The following KCNJ6 variants were observed in gnomAD, a reference collection of about 807,000 sequenced individuals.
KCNJ6 encodes the protein G protein-activated inward rectifier potassium channel 2.
In KCNJ6, 9 loss-of-function variants were observed where a neutral mutation model predicts 34.2. The ratio of observed to expected loss-of-function variants is 0.26; its 90% CI spans 0.16 to 0.46. KCNJ6 has a LOEUF of 0.46. Among genes scored for constraint, KCNJ6 ranks in the 20% least tolerant of loss-of-function variants. The pLI is 1.00. For missense variants in KCNJ6, 236 were observed against 531.3 expected (o/e 0.44, Z 5.46); for synonymous variants, 196 against 207.1 (o/e 0.95, Z 0.46).
chr21:37,764,083 T>G lies in KCNJ6; in HGVS notation c.26-48952A>C, dbSNP rs1214861005. Reference sequence around the variant, plus strand: ...TGAATTATTATAACACATTTGTGTTTAACATGCAGGTGAGTCATAGATGAA... The same window carrying G: ...TGAATTATTATAACACATTTGTGTTGAACATGCAGGTGAGTCATAGATGAA... On this transcript the variant is annotated intron_variant, in intron 2 of 3. Transcript: ENST00000609713. 1.3e-5 allele frequency among the ~76,000 whole-genome samples: 2 copies of G among 152,358 alleles called. 1 individual carries two copies. The highest frequency in any genetic ancestry group is 4.1e-4 in the South Asian group (2 of 4,830).
At chr21:37,802,323 C>T (rs932270055) in intron 2 of KCNJ6, among the ~76,000 whole-genome samples, 47 of 152,238 alleles carry the variant, frequency 3.1e-4, no homozygotes, top group African/African-American at 9.4e-4. Context: ...CCCTGGGACC[C>T]GTGAATTTGT....
At chr21:37,813,893 A>T (rs1307905910) in intron 2 of KCNJ6, among the ~76,000 whole-genome samples, 2 of 152,222 alleles carry the variant, frequency 1.3e-5, no homozygotes, top group African/African-American at 4.8e-5. Context: ...CAAAACAAAA[A>T]TGGACAAATG....
At chr21:37,857,196 G>A (rs1248357942) in intron 1 of KCNJ6, among the ~76,000 whole-genome samples, 2 of 152,158 alleles carry the variant, frequency 1.3e-5, no homozygotes, top group East Asian at 3.9e-4. Context: ...ACTATGAAAT[G>A]CCTACAACCT....
chr21:37,678,273 C>T (rs1427356570), intron 3 of KCNJ6, among the ~76,000 whole-genome samples: 1 of 152,144 alleles, frequency 6.6e-6, no homozygotes, highest in East Asian at 1.9e-4. Flanking sequence ...TGAGATGATA[C>T]TGGTCAGGTA....
intron 2 of KCNJ6, among the ~76,000 whole-genome samples, chr21:37,728,696 G>GTA (rs113895292): frequency 0.29 from 41,858 of 141,946 alleles, 5,858 homozygotes; most frequent in African/African-American, 0.39. Flanking sequence ...GTGTGTGTGT[G>GTA]TGTATATATA....
intron 2 of KCNJ6, among the ~76,000 whole-genome samples, chr21:37,750,550 TA>T (rs1159560389): frequency 6.6e-6 from 1 of 152,024 alleles, no homozygotes; most frequent in East Asian, 1.9e-4. Flanking sequence ...TATGCAGCCA[TA>T]AAAAGGATAA....
intron 2 of KCNJ6, among the ~76,000 whole-genome samples, chr21:37,715,619 A>G (rs1403088373): frequency 6.6e-6 from 1 of 152,240 alleles, no homozygotes; most frequent in Non-Finnish European, 1.5e-5. Context: ...CCAACCCCTA[A>G]GGTGACAGTA....
intron 2 of KCNJ6, among the ~76,000 whole-genome samples, chr21:37,774,875 C>T (rs371757676): frequency 2.4e-4 from 37 of 152,214 alleles, no homozygotes; most frequent in East Asian, 2.1e-3. Context: ...AGTAATGGGA[C>T]GGCTGGGTCA....
intron 1 of KCNJ6, among the ~76,000 whole-genome samples, chr21:37,841,989 T>C (rs1379108179): frequency 2.6e-5 from 4 of 152,242 alleles, no homozygotes; most frequent in Admixed American, 2.6e-4. Flanking sequence ...TAGTGCTCAA[T>C]TGTCCCCCAC....
Position 37,621,030 on chromosome 21 carries a change from A to T in KCNJ6, c.*4129T>A, listed in dbSNP as rs1346814931. 1 of 152,230 alleles carries T rather than the reference A, an allele frequency of 6.6e-6. No homozygotes were observed. The highest frequency in any genetic ancestry group is 1.5e-5 in the Non-Finnish European group (1 of 68,038). 9.4% of individuals were successfully genotyped at this position (152,230 alleles called of 1,614,324 possible). ...AAACAAGATAATGTTATTTTAGTGT[A>T]TTGTAAAGTAATATCAATGAATCAT... On this transcript the variant is annotated 3_prime_UTR_variant, in exon 4 of 4. Coordinates refer to ENST00000609713, the MANE Select transcript of KCNJ6 (RefSeq NM_002240.5).
chr21:37,702,429 C>A (rs968811544), intron 3 of KCNJ6, among the ~76,000 whole-genome samples: 1 of 152,082 alleles, frequency 6.6e-6, no homozygotes, highest in Non-Finnish European at 1.5e-5. Flanking sequence ...TGAGATGAAT[C>A]TCCGATGACG....
intron 3 of KCNJ6, among the ~76,000 whole-genome samples, chr21:37,629,408 C>T (rs1377071814): frequency 6.6e-6 from 1 of 152,052 alleles, no homozygotes; most frequent in Non-Finnish European, 1.5e-5. Context: ...ACCCCCACCC[C>T]CACATTCATA....
intron 2 of KCNJ6, among the ~76,000 whole-genome samples, chr21:37,801,264 T>G (rs113808478): frequency 3.7e-4 from 56 of 152,288 alleles, no homozygotes; most frequent in Non-Finnish European, 6.5e-4. Flanking sequence ...TGATACCAGA[T>G]GAACATTTTT....
At chr21:37,818,558 T>A (rs2123551292) in intron 2 of KCNJ6, among the ~76,000 whole-genome samples, 1 of 152,304 alleles carries the variant, frequency 6.6e-6, no homozygotes, top group South Asian at 2.1e-4. Context: ...TCACTAAATG[T>A]AGGTCTCTAT....
chr21:37,861,351 T>C (rs897593237), intron 1 of KCNJ6, among the ~76,000 whole-genome samples: 4 of 152,180 alleles, frequency 2.6e-5, no homozygotes, highest in African/African-American at 9.7e-5. Context: ...CCTGTGTCCT[T>C]ATAGGGTTGT....
intron 1 of KCNJ6, among the ~76,000 whole-genome samples, chr21:37,870,439 A>G (rs192251461): frequency 1.0e-3 from 155 of 152,246 alleles, no homozygotes; most frequent in African/African-American, 3.5e-3. Flanking sequence ...ACTGGCAAAG[A>G]CCCAAACCCA....
chr21:37,913,787 T>TATAG (rs141864662), intron 1 of KCNJ6, among the ~76,000 whole-genome samples: 3,454 of 152,178 alleles, frequency 0.023, 54 homozygotes, highest in Middle Eastern at 0.071. Context: ...CACTGCACTC[T>TATAG]AGCCTGGGTG....
intron 2 of KCNJ6, among the ~76,000 whole-genome samples, chr21:37,741,046 T>C (rs1169489907): frequency 6.6e-6 from 1 of 152,238 alleles, no homozygotes; most frequent in Non-Finnish European, 1.5e-5. Context: ...AGGTCTCCTG[T>C]GGATGAAGCG....
intron 2 of KCNJ6, among the ~76,000 whole-genome samples, chr21:37,733,213 G>T (rs1010101623): frequency 6.6e-6 from 1 of 152,176 alleles, no homozygotes; most frequent in Non-Finnish European, 1.5e-5. Context: ...CAATAAAATA[G>T]AATTACTTTT....
Sources: allele counts gnomAD v4.1 joint callset (sites outside exome capture counted in the v4.1 genomes callset), GRCh38; gene constraint gnomAD v4.1.1; transcripts MANE v1.5; gene names NCBI Gene and HGNC (gene_info 2026-07-23, HGNC 2026-07-21).